SCN1A: variants seen among roughly 807,000 people sequenced by gnomAD.
The protein encoded by SCN1A is sodium voltage-gated channel alpha subunit 1, also known as sodium channel protein type 1 subunit alpha.
In SCN1A, 13 loss-of-function variants were observed where a neutral mutation model predicts 193.7. That is an observed-to-expected ratio of 0.07 (90% CI 0.04 to 0.11). The LOEUF is 0.11. Among genes scored for constraint, SCN1A ranks in the 10% least tolerant of loss-of-function variants. SCN1A has a pLI of 1.00. For missense variants in SCN1A, 1,432 were observed against 2,451.1 expected (o/e 0.58, Z 8.78); for synonymous variants, 781 against 843.6 (o/e 0.93, Z 1.29).
chr2:165,994,079 T>TCTAA, intron 28 of SCN1A, 67 bp downstream of exon 28: 4 of 1,224,358 alleles, frequency 3.3e-6, no homozygotes, highest in Non-Finnish European at 4.7e-6. Flanking sequence ...TGATCTTGAA[T>TCTAA]CTAATCTTGA....
intron 16 of SCN1A, 24 bp from the exon 17 acceptor site, chr2:166,039,620 T>C (rs1219924486): frequency 6.3e-7 from 1 of 1,597,722 alleles, no homozygotes; most frequent in East Asian, 2.2e-5. Context: ...AAAATTAATC[T>C]AATTCCACCA....
chr2:165,985,872 A>T lies in SCN1A; in HGVS notation c.*5373T>A, dbSNP rs879239509. 1 of 152,170 alleles carries T rather than the reference A, an allele frequency of 6.6e-6. No individual in the cohort carries two copies. Among genetic ancestry groups the T allele is most frequent in the Non-Finnish European group, 1.5e-5 (1 of 68,004 alleles). The allele number at this position is 152,170 out of a possible 1,614,324, so 9.4% of individuals were successfully genotyped here. On this transcript the variant is annotated 3_prime_UTR_variant, in exon 29 of 29. Transcript: ENST00000674923. Reference sequence around the variant, plus strand: ...TATAATAAGAAATTCCAGTGCACACATGAAGAATATGCAATTACCAGACAT... The same window carrying T: ...TATAATAAGAAATTCCAGTGCACACTTGAAGAATATGCAATTACCAGACAT...
chr2:165,996,257 T>TA (rs902985928), intron 26 of SCN1A, 140 bp from the exon 27 acceptor site: 23 of 578,042 alleles, frequency 4.0e-5, no homozygotes, highest in Non-Finnish European at 5.2e-5. Context: ...ATTTAAAATG[T>TA]AAAAAAAATT....
At chr2:166,129,041 C>G (rs17745375), upstream of SCN1A, among the ~76,000 whole-genome samples, 10,665 of 152,214 alleles carry the variant, frequency 0.07, 493 homozygotes, top group Middle Eastern at 0.2. Flanking sequence ...ACACTTATTA[C>G]AATCATTGCA....
In SCN1A at chr2:166,042,278, A is replaced by C; in HGVS notation, c.2176+14T>G. 6.2e-7 allele frequency: 1 copy of C among 1,610,368 alleles called. No homozygotes were observed. The highest frequency in any genetic ancestry group is 1.3e-5 in the African/African-American group (1 of 74,914). On this transcript the variant is annotated intron_variant, in intron 15 of 28. Coordinates refer to ENST00000674923, the MANE Select transcript of SCN1A (RefSeq NM_001165963.4). ...GTGAAAATAATTGAAACGAAAATAG[A>C]ATTTGTTACCAACCTTCTACTGTAT...
chr2:166,052,759 A>G, intron 8 of SCN1A, 93 bp downstream of exon 8: 1 of 1,055,646 alleles, frequency 9.5e-7, no homozygotes, highest in South Asian at 1.3e-5. Context: ...ACCTAGTCTT[A>G]TGATTCCTGA....
At chr2:166,091,750 A>G (rs942895954) in intron 2 of SCN1A, among the ~76,000 whole-genome samples, 2 of 152,250 alleles carry the variant, frequency 1.3e-5, no homozygotes, top group African/African-American at 4.8e-5. Context: ...GAAATCAACT[A>G]AACGTCTTGT....
At position 166,044,162 on chromosome 2, in the gene SCN1A, G is replaced by T; in HGVS notation, c.1663-113C>A. 2 of 1,173,036 alleles carry T rather than the reference G, an allele frequency of 1.7e-6. 1 individual carries two copies. Among genetic ancestry groups the T allele is most frequent in the East Asian group, 5.1e-5 (2 of 39,268 alleles). The allele number at this position is 1,173,036 out of a possible 1,614,324, so 72.7% of individuals were successfully genotyped here. On this transcript the variant is annotated intron_variant, in intron 13 of 28. Transcript: ENST00000674923. ...ATTTCAGCATTCATAACAGAATATGGTTCATTCCTTTTGATTATCATTCTC... is the reference window on the plus strand; with the variant it reads ...ATTTCAGCATTCATAACAGAATATGTTTCATTCCTTTTGATTATCATTCTC...
intron 2 of SCN1A, chr2:166,081,662 GAAATA>G (rs1307743147): frequency 6.6e-5 from 10 of 151,684 alleles, no homozygotes; most frequent in Admixed American, 2.0e-4. Flanking sequence ...ATTTATGCAA[GAAATA>G]CCATAACTAA....
intron 2 of SCN1A, among the ~76,000 whole-genome samples, chr2:166,083,812 TATATCAAGAATATAGTA>T (rs1685788887): frequency 6.6e-6 from 1 of 152,192 alleles, no homozygotes; most frequent in African/African-American, 2.4e-5. Flanking sequence ...GTCATTAGTT[TATATCAAGAATATAGTA>T]ATGACTGTCA....
chr2:166,053,793 G>C (rs1698848746), intron 7 of SCN1A, among the ~76,000 whole-genome samples: 1 of 151,224 alleles, frequency 6.6e-6, no homozygotes, highest in South Asian at 2.1e-4. Flanking sequence ...GGAAGGATGA[G>C]GGTAAGTGTT....
Position 166,036,312 on chromosome 2 carries a change from G to A in SCN1A, c.3165C>T (p.Asn1055=), listed in dbSNP as rs797045939. The stretch of plus-strand genomic sequence containing the variant: ...TGGACATACAACTGTCTTTCTTGTT[G>A]TTTAGATCATCAAGTGGTTTAATTT... ...LDEIKPLDDL[N]NKKDSCMSNH... Residue 1055 remains asparagine (N), a synonymous_variant, in exon 19 of 29, where the codon AAC becomes AAT. Coordinates refer to ENST00000674923, the MANE Select transcript of SCN1A (RefSeq NM_001165963.4). The A allele has an allele frequency of 3.1e-6, 5 of 1,613,332 alleles. No homozygotes were observed. The highest frequency in any genetic ancestry group is 3.3e-5 in the Admixed American group (2 of 59,956).
At chr2:166,089,450 G>T (rs1224874290) in intron 2 of SCN1A, among the ~76,000 whole-genome samples, 1 of 151,962 alleles carries the variant, frequency 6.6e-6, no homozygotes, top group Non-Finnish European at 1.5e-5. Context: ...GTATCTCTGG[G>T]AGTACATGAG....
At chr2:166,018,648 T>G (rs551484691) in intron 19 of SCN1A, among the ~76,000 whole-genome samples, 2 of 152,190 alleles carry the variant, frequency 1.3e-5, no homozygotes, top group East Asian at 3.9e-4. Flanking sequence ...TTTATATGAT[T>G]TCCATTCCTA....
intron 1 of SCN1A, among the ~76,000 whole-genome samples, chr2:166,148,840 T>G (rs774939367): frequency 4.6e-5 from 7 of 152,164 alleles, no homozygotes; most frequent in Non-Finnish European, 7.3e-5. Context: ...TGGTTACAGA[T>G]GATGTCCGAT....
At chr2:166,018,501 T>G (rs145780382) in intron 19 of SCN1A, among the ~76,000 whole-genome samples, 1 of 152,162 alleles carries the variant, frequency 6.6e-6, no homozygotes, top group East Asian at 1.9e-4. Flanking sequence ...TATTTCTTAT[T>G]TAGACATTTA....
chr2:166,122,558 G>A (rs953976103), intron 2 of SCN1A, among the ~76,000 whole-genome samples: 4 of 152,126 alleles, frequency 2.6e-5, no homozygotes, highest in African/African-American at 9.7e-5. Flanking sequence ...AGTACCCACT[G>A]TAAGAAATAA....
Position 166,052,892 on chromosome 2 carries a change from G to A in SCN1A, c.654C>T (p.Phe218=), listed in dbSNP as rs1169426622. 6.2e-7 allele frequency: 1 copy of A among 1,612,482 alleles called. No individual in the cohort carries two copies. Among genetic ancestry groups the A allele is most frequent in the Non-Finnish European group, 8.5e-7 (1 of 1,179,064 alleles). Residue 218 remains phenylalanine (F), a synonymous_variant, in exon 8 of 29, where the codon TTC becomes TTT. Transcript: ENST00000674923. ...DLGNVSALRT[F]RVLRALKTIS... is the part of the protein sequence containing the mutation. ...TCGTCTTCAATGCTCGGAGAACTCT[G>A]AATGTTCTCAATGCCGAGACATTGC...
intron 2 of SCN1A, among the ~76,000 whole-genome samples, chr2:166,118,355 C>T (rs898823541): frequency 5.9e-5 from 7 of 119,386 alleles, no homozygotes; most frequent in African/African-American, 2.3e-4. Context: ...CTCTCTTGCG[C>T]AGGCTGGAGT....
Sources: gnomAD v4.1 joint callset for allele counts (sites outside exome capture counted in the v4.1 genomes callset) on GRCh38, gnomAD v4.1.1 for gene constraint, MANE v1.5 for transcripts, NCBI Gene and HGNC (gene_info 2026-07-23, HGNC 2026-07-21) for gene names.